The following TTN variants were observed in gnomAD, a reference collection of about 807,000 sequenced individuals.
TTN encodes titin, also known as connectin.
A neutral mutation model predicts 3,223.0 loss-of-function variants in TTN; 1,525 were observed. The observed-to-expected ratio is 0.47, with a 90% CI of 0.45 to 0.49. The LOEUF is 0.49. Ranked by LOEUF, TTN falls within the 20% of genes least tolerant of loss-of-function variation. The pLI is 0.00. For missense variants in TTN, 40,786 were observed against 43,424.0 expected, an observed-to-expected ratio of 0.94 and a Z score of 5.40; for synonymous variants, 14,094 against 15,161.0, an observed-to-expected ratio of 0.93 and a Z score of 5.17.
At position 178,581,643 on chromosome 2, in the gene TTN, G is replaced by T; in HGVS notation, c.66625C>A (p.Pro22209Thr). 6.2e-7 allele frequency: 1 copy of T among 1,612,780 alleles called. No individual in the cohort carries two copies. The highest frequency in any genetic ancestry group is 8.5e-7 in the Non-Finnish European group (1 of 1,179,276). The change falls in exon 316 of 363, where the codon CCA (proline) becomes ACA (threonine). Residue 22209 changes from proline (P) to threonine (T), a missense_variant. Coordinates refer to ENST00000589042, the MANE Select transcript of TTN (RefSeq NM_001267550.2). ...DSDNWVRCNL[P>T]QNLQKTRFEV... ...AAGCGGGTTTTCTGTAGATTCTGTGGTAAGTTGCACCTCACCCAGTTATCG... is the reference window on the plus strand; with the variant it reads ...AAGCGGGTTTTCTGTAGATTCTGTGTTAAGTTGCACCTCACCCAGTTATCG...
Position 178,577,990 on chromosome 2 carries a change from A to G in TTN, c.68525T>C (p.Ile22842Thr), listed in dbSNP as rs368301580. 29 of 1,611,456 alleles carry G rather than the reference A, an allele frequency of 1.8e-5. No individual in the cohort carries two copies. Among genetic ancestry groups the G allele is most frequent in the Middle Eastern group, 3.3e-4 (2 of 6,060 alleles). Residue 22842 changes from isoleucine to threonine, a missense_variant and splice_region_variant, in exon 322 of 363, where the codon ATT becomes ACT. Ile to Thr is a moderately conservative substitution (Grantham distance 89). Coordinates refer to ENST00000589042, the MANE Select transcript of TTN (RefSeq NM_001267550.2). ...TTTTTCTTCATATAATGACTTACCAATTGGGTCCAGTGCCACAACAGGCTC... is the reference window on the plus strand; with the variant it reads ...TTTTTCTTCATATAATGACTTACCAGTTGGGTCCAGTGCCACAACAGGCTC... ...PSEPVVALDP[I>T]DPPGKPEVIN...
chr2:178,617,086 T>A, intron 255 of TTN, 34 bp downstream of exon 255: 1 of 1,610,734 alleles, frequency 6.2e-7, no homozygotes, highest in Non-Finnish European at 8.5e-7. Flanking sequence ...AGCTATGTGC[T>A]ATTCCCCGAT....
At position 178,528,616 on chromosome 2, in the gene TTN, T is replaced by C; in HGVS notation, c.107135A>G (p.Asn35712Ser). The change falls in exon 360 of 363, where the codon AAT (asparagine) becomes AGT (serine). Residue 35712 changes from asparagine (N) to serine (S), a missense_variant. Physicochemically the swap from Asn to Ser is conservative, Grantham distance 46. Transcript: ENST00000589042. ...GAGAACATTTTGTCCTTCATTAATA[T>C]TTTGAGATCTAGGCTGTGAGATGAA... ...PAFISQPRSQNINEGQNVLFT... is the reference protein window; with the variant it reads ...PAFISQPRSQSINEGQNVLFT... 6.2e-7 allele frequency: 1 copy of C among 1,612,720 alleles called. No individual in the cohort carries two copies. The highest frequency in any genetic ancestry group is 1.3e-5 in the African/African-American group (1 of 75,042).
At position 178,584,987 on chromosome 2, in the gene TTN, A is replaced by G; in HGVS notation, c.64673-19T>C. The G allele has an allele frequency of 6.2e-7, 1 of 1,608,930 alleles. No homozygotes were observed. The highest frequency in any genetic ancestry group is 8.5e-7 in the Non-Finnish European group (1 of 1,178,476). ...GGGGCATCTACATGAACCAAGAGGA[A>G]AGAAATGTAAGAACAAGGATTTGAT... On this transcript the variant is annotated intron_variant, in intron 309 of 362. Transcript: ENST00000589042.
chr2:178,771,060 G>A (rs1346222560), intron 34 of TTN, 151 bp downstream of exon 34: 25 of 1,265,568 alleles, frequency 2.0e-5, no homozygotes, highest in Non-Finnish European at 2.6e-5. Flanking sequence ...TGTACCTTGT[G>A]GAATGTGTCT....
intron 342 of TTN, 30 bp downstream of exon 342, chr2:178,546,182 T>C (rs766090631): frequency 3.8e-6 from 6 of 1,594,452 alleles, no homozygotes; most frequent in Non-Finnish European, 5.1e-6. Context: ...GAAAATGCTA[T>C]ATAAATGTGA....
At position 178,601,432 on chromosome 2, in the gene TTN, T is replaced by A. The variant is rs1211576470; in HGVS notation, c.55565A>T (p.Asp18522Val). Residue 18522 changes from aspartate (D) to valine (V), a missense_variant, in exon 287 of 363, where the codon GAT becomes GTT. By Grantham distance (152) the Asp-to-Val change is radical (BLOSUM62 -3). Coordinates refer to ENST00000589042, the MANE Select transcript of TTN (RefSeq NM_001267550.2). The part of the protein sequence containing the change: ...KGYVIEKRTI[D>V]GKAWTKVNPD... ...ATTGACTTTGGTCCAGGCTTTTCCA[T>A]CAATAGTCCTCTTCTCAATAACATA... 1 of 1,612,894 alleles carries A rather than the reference T, an allele frequency of 6.2e-7. No homozygotes were observed. The highest frequency in any genetic ancestry group is 1.7e-5 in the Admixed American group (1 of 59,920).
In TTN at chr2:178,739,527, C is replaced by G; in HGVS notation, c.13706G>C (p.Ser4569Thr). The G allele has an allele frequency of 6.2e-7, 1 of 1,613,784 alleles. No individual in the cohort carries two copies. Among genetic ancestry groups the G allele is most frequent in the Non-Finnish European group, 8.5e-7 (1 of 1,179,808 alleles). ...CTCTTTTTCCTCTGATGGTTTCAGACTCTCATCTTGTTTTTCGTCAGAGAC... is the reference window on the plus strand; with the variant it reads ...CTCTTTTTCCTCTGATGGTTTCAGAGTCTCATCTTGTTTTTCGTCAGAGAC... ...AVVSDEKQDE[S>T]LKPSEEKEES... The change falls in exon 48 of 363, where the codon AGT becomes ACT. Residue 4569 changes from serine (S) to threonine (T), a missense_variant. Transcript: ENST00000589042.
Position 178,557,249 on chromosome 2 carries a change from G to C in TTN, c.88009+4C>G, listed in dbSNP as rs774110800. 1.2e-6 allele frequency: 2 copies of C among 1,613,750 alleles called. No homozygotes were observed. The highest frequency in any genetic ancestry group is 4.5e-5 in the East Asian group (2 of 44,776). ...GAACTGCCCTTCCCATGACAAATAC[G>C]TACCACAAGCATCAATTGCCAAGAC... On this transcript the variant is annotated splice_donor_region_variant and intron_variant, in intron 329 of 362. Transcript: ENST00000589042.
Position 178,530,785 on chromosome 2 carries a change from A to T in TTN, c.105830T>A (p.Val35277Asp). The change falls in exon 358 of 363, where the codon GTT becomes GAT. Residue 35277 changes from valine (V) to aspartate (D), a missense_variant. By Grantham distance (152) the Val-to-Asp change is radical. Coordinates refer to ENST00000589042, the MANE Select transcript of TTN (RefSeq NM_001267550.2). ...TGGGGCAGAGACTGGGAGGTGCTGA[A>T]CTTTCTCTGTTGGTGTTGGTTTTGT... ...TETKPTPTEK[V>D]QHLPVSAPPK... The T allele has an allele frequency of 1.2e-6, 2 of 1,613,458 alleles. No individual in the cohort carries two copies. Among genetic ancestry groups the T allele is most frequent in the Non-Finnish European group, 1.7e-6 (2 of 1,179,750 alleles).
intron 108 of TTN, 30 bp from the exon 109 acceptor site, chr2:178,702,096 G>C (rs2154289702): frequency 6.2e-7 from 1 of 1,611,874 alleles, no homozygotes; most frequent in South Asian, 1.1e-5. Flanking sequence ...TGATATTTTT[G>C]TGTTCAGAAT....
intron 312 of TTN, 156 bp downstream of exon 312, chr2:178,583,451 A>G: frequency 1.1e-6 from 1 of 922,690 alleles, no homozygotes; most frequent in Admixed American, 3.4e-5. Flanking sequence ...TTAGCATGTT[A>G]TTATGATTCT....
chr2:178,802,791 C>T (rs2094132539), intron 2 of TTN, among the ~76,000 whole-genome samples: 1 of 152,220 alleles, frequency 6.6e-6, no homozygotes, highest in African/African-American at 2.4e-5. Context: ...CAGTTTCTGC[C>T]TGACAAGCCC....
In TTN at chr2:178,650,792, G is replaced by A; in HGVS notation, c.39668C>T (p.Ala13223Val). The A allele has an allele frequency of 6.2e-7, 1 of 1,607,824 alleles. No individual in the cohort carries two copies. Among genetic ancestry groups the A allele is most frequent in the Non-Finnish European group, 8.5e-7 (1 of 1,177,044 alleles). ...CTCCGCTCTTTCTGGAACAGGAACA[G>A]CTGGTTTCTCTTCCAAGACAGGTTT... The part of the protein sequence containing the change: ...PKKPVLEEKP[A>V]VPVPERAESP... The change falls in exon 209 of 363, where the codon GCT becomes GTT. Residue 13223 changes from alanine (A) to valine (V), a missense_variant. Transcript: ENST00000589042.
chr2:178,636,979 T>C lies in TTN; in HGVS notation c.40928-180A>G, dbSNP rs921228175. Among the ~76,000 whole-genome samples the C allele has an allele frequency of 2.6e-5, 4 of 151,646 alleles. No individual in the cohort carries two copies. The highest frequency in any genetic ancestry group is 2.0e-4 in the East Asian group (1 of 5,094). On this transcript the variant is annotated intron_variant, in intron 224 of 362. Coordinates refer to ENST00000589042, the MANE Select transcript of TTN (RefSeq NM_001267550.2). The surrounding 1 kb of genome is among the most constrained non-coding windows in gnomAD (Gnocchi z 4.3). ...CCTTGTTTCAGGCAGGAAAATGAGA[T>C]GGTATAAGGAATCCATGAATAATAA...
intron 80 of TTN, 38 bp downstream of exon 80, chr2:178,720,346 GA>G (rs2078154709): frequency 6.3e-6 from 10 of 1,593,026 alleles, no homozygotes; most frequent in Admixed American, 1.7e-5. Flanking sequence ...GAACAGATAG[GA>G]GGAAGGGGCA....
Position 178,554,946 on chromosome 2 carries a change from G to C in TTN, c.88513C>G (p.Arg29505Gly). Reference protein sequence around the residue: ...LASILIKDADRLNSGCYELKL... With the variant: ...LASILIKDADGLNSGCYELKL... ...AATTCATAGCATCCACTATTAAGGC[G>C]ATCGGCATCTTTGATGAGTATAGAT... is the stretch of plus-strand genomic sequence containing the variant. Residue 29505 changes from arginine (R) to glycine (G), a missense_variant, in exon 331 of 363, where the codon CGC becomes GGC. By Grantham distance (125) the Arg-to-Gly change is moderately radical. Transcript: ENST00000589042. The C allele has an allele frequency of 6.2e-7, 1 of 1,613,744 alleles. No individual in the cohort carries two copies. The highest frequency in any genetic ancestry group is 8.5e-7 in the Non-Finnish European group (1 of 1,179,804).
rs555476312 is a variant in TTN at position 178,530,482 on chromosome 2, G to A, written c.106133C>T (p.Ala35378Val). 19 of 1,613,816 alleles carry A rather than the reference G, an allele frequency of 1.2e-5. No individual in the cohort carries two copies. In the African/African-American group the frequency reaches 2.3e-4, roughly 19 times the overall value. The stretch of plus-strand genomic sequence containing the variant: ...TACCTTCTCATGGATACTCTTAAAG[G>A]CTTGCCCCATAAATTGTAAGTTGGT... ...SKTNLQFMGQ[A>V]FKSIHEKVSK... Residue 35378 changes from alanine to valine, a missense_variant, in exon 358 of 363, where the codon GCC becomes GTC. Physicochemically the swap from Ala to Val is moderately conservative, Grantham distance 64 (BLOSUM62 0). Coordinates refer to ENST00000589042, the MANE Select transcript of TTN (RefSeq NM_001267550.2).
chr2:178,597,124 A>G lies in TTN; in HGVS notation c.57544+414T>C, dbSNP rs1389429517. ...AAACATTCATGTACAGTTTAAGGAA[A>G]GTTGCTTCTATGAAAACTATATAAC... On this transcript the variant is annotated intron_variant, in intron 294 of 362. Transcript: ENST00000589042. 2.6e-5 allele frequency among the ~76,000 whole-genome samples: 4 copies of G among 152,252 alleles called. No individual in the cohort carries two copies. The East Asian group carries it at 7.8e-4, about 30-fold the overall frequency.
Sources: gnomAD v4.1 joint callset for allele counts (sites outside exome capture counted in the v4.1 genomes callset) on GRCh38, gnomAD v4.1.1 for gene constraint, Gnocchi (gnomAD v3.1) non-coding constraint, MANE v1.5 for transcripts, NCBI Gene and HGNC (gene_info 2026-07-23, HGNC 2026-07-21) for gene names.